PRDM5: variants seen among roughly 807,000 people sequenced by gnomAD.
PRDM5 encodes PR/SET domain 5, also known as PR domain zinc finger protein 5.
In PRDM5, 56 loss-of-function variants were observed where a neutral mutation model predicts 81.2. The observed-to-expected ratio is 0.69, with a 90% CI of 0.56 to 0.86. The LOEUF is 0.86. Among genes scored for constraint, PRDM5 ranks in the 40% least tolerant of loss-of-function variants. The pLI, the probability that PRDM5 is intolerant of heterozygous loss-of-function variation, is 0.00. For missense variants in PRDM5, 697 were observed against 770.1 expected (o/e 0.91, Z 1.12); for synonymous variants, 267 against 256.4 (o/e 1.04, Z -0.39).
chr4:120,873,165 C>A (rs911523441), intron 2 of PRDM5, among the ~76,000 whole-genome samples: 1 of 152,050 alleles, frequency 6.6e-6, no homozygotes, highest in Non-Finnish European at 1.5e-5. Flanking sequence ...CCATATCTGG[C>A]TAATTTTTGT....
At chr4:120,819,824 T>A (rs556568317) in intron 4 of PRDM5, among the ~76,000 whole-genome samples, 13 of 152,258 alleles carry the variant, frequency 8.5e-5, no homozygotes, top group Non-Finnish European at 1.0e-4. Flanking sequence ...ATATTCCAAA[T>A]AGCATAATGC....
At chr4:120,741,181 A>G (rs1741880010) in intron 14 of PRDM5, among the ~76,000 whole-genome samples, 2 of 151,958 alleles carry the variant, frequency 1.3e-5, no homozygotes, top group African/African-American at 2.4e-5. Flanking sequence ...TCACCCTTAA[A>G]AGACTCCTTT....
intron 14 of PRDM5, among the ~76,000 whole-genome samples, chr4:120,747,105 T>C (rs1349965202): frequency 6.7e-6 from 1 of 149,176 alleles, no homozygotes; most frequent in African/African-American, 2.5e-5. Context: ...TATGCAGCCA[T>C]AAAAAATGAT....
chr4:120,820,589 G>C (rs768898801), intron 4 of PRDM5, among the ~76,000 whole-genome samples: 8 of 152,156 alleles, frequency 5.3e-5, no homozygotes, highest in Admixed American at 3.3e-4. Flanking sequence ...TCTGACCTAC[G>C]GTCACTGAAA....
At chr4:120,760,399 CA>C (rs1160380783) in intron 13 of PRDM5, among the ~76,000 whole-genome samples, 2 of 152,054 alleles carry the variant, frequency 1.3e-5, no homozygotes, top group Admixed American at 1.3e-4. Flanking sequence ...TAGTCACTTG[CA>C]ACATTTAGAA....
intron 3 of PRDM5, among the ~76,000 whole-genome samples, chr4:120,839,916 A>G (rs747455608): frequency 1.3e-5 from 2 of 152,150 alleles, no homozygotes; most frequent in Non-Finnish European, 2.9e-5. Context: ...CTGGTGTGTC[A>G]GCACTGCCCC....
At chr4:120,775,466 T>C (rs1402114172) in intron 13 of PRDM5, among the ~76,000 whole-genome samples, 3 of 152,174 alleles carry the variant, frequency 2.0e-5, no homozygotes, top group Admixed American at 2.0e-4. Flanking sequence ...TTATTTTGAA[T>C]AATCAAGGGT....
intron 8 of PRDM5, among the ~76,000 whole-genome samples, chr4:120,810,957 T>G (rs1002242430): frequency 3.9e-5 from 6 of 152,162 alleles, no homozygotes; most frequent in Admixed American, 1.3e-4. Context: ...TACATCTATA[T>G]ATAAACAGAA....
intron 2 of PRDM5, among the ~76,000 whole-genome samples, chr4:120,854,878 A>C (rs1428764116): frequency 6.6e-6 from 1 of 151,996 alleles, no homozygotes; most frequent in East Asian, 1.9e-4. Flanking sequence ...AGGGTACAGC[A>C]AGTGAAAGGC....
At chr4:120,759,022 T>C (rs1031772880) in intron 13 of PRDM5, among the ~76,000 whole-genome samples, 1 of 151,840 alleles carries the variant, frequency 6.6e-6, no homozygotes, top group African/African-American at 2.4e-5. Context: ...CCCAAAGTGC[T>C]GGGATTACAG....
At chr4:120,799,613 A>AT (rs1294501077) in intron 9 of PRDM5, 48 bp downstream of exon 9, 7 of 1,594,934 alleles carry the variant, frequency 4.4e-6, no homozygotes, top group African/African-American at 1.3e-5. Flanking sequence ...TGACAATGTA[A>AT]TTTTTTTGTA....
At chr4:120,698,290 A>G (rs938193260) in intron 15 of PRDM5, among the ~76,000 whole-genome samples, 1 of 152,174 alleles carries the variant, frequency 6.6e-6, no homozygotes, top group Non-Finnish European at 1.5e-5. Flanking sequence ...CTCATTTAAC[A>G]TGAATTCTTA....
intron 7 of PRDM5, among the ~76,000 whole-genome samples, chr4:120,815,342 A>G (rs1754346504): frequency 6.6e-6 from 1 of 152,214 alleles, no homozygotes; most frequent in Admixed American, 6.5e-5. Context: ...AAAGAAAGAA[A>G]CCAGAACACT....
At chr4:120,874,777 G>A (rs570298465) in intron 2 of PRDM5, among the ~76,000 whole-genome samples, 1 of 152,214 alleles carries the variant, frequency 6.6e-6, no homozygotes, top group Admixed American at 6.5e-5. Flanking sequence ...GATACTGTGG[G>A]TATACTGAGG....
At chr4:120,868,550 G>T (rs2148527167) in intron 2 of PRDM5, among the ~76,000 whole-genome samples, 1 of 152,244 alleles carries the variant, frequency 6.6e-6, no homozygotes, top group Middle Eastern at 3.4e-3. Flanking sequence ...ATCCATTAAA[G>T]TCCTTTTCCT....
chr4:120,850,729 CTCCTCTTGTTAAGTCATTAATAATTTCT>C (rs1329972506), intron 3 of PRDM5, among the ~76,000 whole-genome samples: 1 of 152,164 alleles, frequency 6.6e-6, no homozygotes, highest in Non-Finnish European at 1.5e-5. Context: ...TCCCCCCTCA[CTCCTCTTGTTAAGTCATTAATAATTTCT>C]TGGAGTACCT....
chr4:120,749,638 C>T (rs576382477), intron 14 of PRDM5, among the ~76,000 whole-genome samples: 1 of 152,302 alleles, frequency 6.6e-6, no homozygotes, highest in Non-Finnish European at 1.5e-5. Context: ...GAGGGAGACA[C>T]CTGCCACGTC....
intron 14 of PRDM5, among the ~76,000 whole-genome samples, chr4:120,750,716 A>ACGCGCG (rs1190218370): frequency 7.1e-6 from 1 of 140,004 alleles, no homozygotes; most frequent in African/African-American, 2.6e-5. Flanking sequence ...ACACACACAC[A>ACGCGCG]CACGCGCACA....
chr4:120,853,665 A>T, intron 2 of PRDM5, 125 bp from the exon 3 acceptor site: 1 of 1,234,720 alleles, frequency 8.1e-7, no homozygotes, highest in South Asian at 1.2e-5. Context: ...TGATAAATAG[A>T]AGTTGGACTA....
Sources: gnomAD v4.1 joint callset for allele counts (sites outside exome capture counted in the v4.1 genomes callset) on GRCh38, gnomAD v4.1.1 for gene constraint, MANE v1.5 for transcripts, NCBI Gene and HGNC (gene_info 2026-07-23, HGNC 2026-07-21) for gene names.